Variants in UBE2E3 observed in about 807,000 individuals in gnomAD.
UBE2E3 encodes the protein ubiquitin conjugating enzyme E2 E3, also known as ubiquitin-conjugating enzyme E2 E3.
Under a neutral mutation model 23.6 loss-of-function variants are expected in UBE2E3, and 5 were observed. The ratio of observed to expected loss-of-function variants is 0.21; its 90% CI spans 0.11 to 0.44. The LOEUF (loss-of-function observed/expected upper bound fraction) is 0.44. UBE2E3 is among the 20% of genes least tolerant of loss of function. The pLI, the probability that UBE2E3 is intolerant of heterozygous loss-of-function variation, is 0.99. For synonymous variants in UBE2E3, 78 were observed against 87.5 expected (o/e 0.89, Z 0.60); for missense variants, 81 against 249.8 (o/e 0.32, Z 4.55).
chr2:180,983,874 A>T, intron 2 of UBE2E3, 169 bp from the exon 3 acceptor site: 1 of 460,816 alleles, frequency 2.2e-6, no homozygotes, highest in Non-Finnish European at 3.9e-6. Context: ...GTTTCTGTTA[A>T]GGGATTTGGG....
At chr2:181,041,958 C>G (rs1388875461) in intron 3 of UBE2E3, among the ~76,000 whole-genome samples, 6 of 152,116 alleles carry the variant, frequency 3.9e-5, no homozygotes, top group African/African-American at 7.2e-5. Flanking sequence ...TGTGATATAC[C>G]TACCCTAATT....
chr2:181,030,408 A>C (rs764512789), intron 3 of UBE2E3, among the ~76,000 whole-genome samples: 3 of 151,902 alleles, frequency 2.0e-5, no homozygotes, highest in South Asian at 2.1e-4. Context: ...TATTTTTCTA[A>C]TGTCAGACTA....
chr2:181,053,704 TATC>T (rs776122910), intron 3 of UBE2E3, among the ~76,000 whole-genome samples: 3 of 151,840 alleles, frequency 2.0e-5, no homozygotes, highest in Non-Finnish European at 4.4e-5. Flanking sequence ...AACACATCAT[TATC>T]ATGCAAAGTC....
At position 181,006,544 on chromosome 2, in the gene UBE2E3, A is replaced by T. The variant is rs569227752; in HGVS notation, c.245+22451A>T. Among the ~76,000 whole-genome samples the T allele has an allele frequency of 2.0e-5, 3 of 152,196 alleles. No homozygotes were observed. In the South Asian group the frequency reaches 6.2e-4, roughly 32 times the overall value. On this transcript the variant is annotated intron_variant, in intron 3 of 5. Transcript: ENST00000410062. ...TCCCAAATGTACATGGAGCACACTTATATGCATGTTAAATATTAGGAACAT... is the reference window on the plus strand; with the variant it reads ...TCCCAAATGTACATGGAGCACACTTTTATGCATGTTAAATATTAGGAACAT...
At chr2:181,003,876 T>C (rs1394171327) in intron 3 of UBE2E3, among the ~76,000 whole-genome samples, 2 of 152,250 alleles carry the variant, frequency 1.3e-5, no homozygotes, top group East Asian at 3.8e-4. Flanking sequence ...TTGATATTTC[T>C]GCATTCTCTC....
intron 3 of UBE2E3, chr2:180,990,025 T>C: frequency 6.7e-7 from 1 of 1,487,480 alleles, no homozygotes; most frequent in East Asian, 2.5e-5. Flanking sequence ...AAAGTGATTT[T>C]TTTTTCCACA....
chr2:180,999,944 A>G (rs1684943250), intron 3 of UBE2E3, among the ~76,000 whole-genome samples: 1 of 152,250 alleles, frequency 6.6e-6, no homozygotes, highest in African/African-American at 2.4e-5. Context: ...ATTTTGAAAA[A>G]TGAAGTATTA....
chr2:180,998,358 G>A (rs1406732018), intron 3 of UBE2E3, among the ~76,000 whole-genome samples: 2 of 151,946 alleles, frequency 1.3e-5, no homozygotes, highest in African/African-American at 4.8e-5. Flanking sequence ...TACTAAATGT[G>A]CATTTTAAGA....
chr2:181,027,837 T>C (rs1248359906), intron 3 of UBE2E3, among the ~76,000 whole-genome samples: 2 of 152,052 alleles, frequency 1.3e-5, no homozygotes, highest in East Asian at 3.8e-4. Flanking sequence ...AAGTAAATTC[T>C]TTTACTATGT....
At chr2:181,022,310 A>G (rs960301534) in intron 3 of UBE2E3, among the ~76,000 whole-genome samples, 9 of 152,242 alleles carry the variant, frequency 5.9e-5, no homozygotes, top group African/African-American at 2.2e-4. Context: ...CATTTAGAAA[A>G]ATAAACACAG....
intron 3 of UBE2E3, among the ~76,000 whole-genome samples, chr2:180,993,434 C>G (rs1401894592): frequency 6.6e-6 from 1 of 152,110 alleles, no homozygotes; most frequent in African/African-American, 2.4e-5. Flanking sequence ...TGTTTAACTT[C>G]CAGCTTGTCT....
chr2:181,024,916 A>G (rs1174133866), intron 3 of UBE2E3, among the ~76,000 whole-genome samples: 3 of 152,134 alleles, frequency 2.0e-5, no homozygotes, highest in African/African-American at 7.2e-5. Context: ...ATGTATTACT[A>G]TACTGCTTCA....
chr2:181,018,037 TTC>T (rs1186288400), intron 3 of UBE2E3, among the ~76,000 whole-genome samples: 1 of 151,974 alleles, frequency 6.6e-6, no homozygotes, highest in African/African-American at 2.4e-5. Context: ...TAATTTTGTT[TTC>T]GTTGTATTTT....
intron 3 of UBE2E3, among the ~76,000 whole-genome samples, chr2:181,046,260 C>T (rs1042633283): frequency 6.6e-6 from 1 of 152,102 alleles, no homozygotes; most frequent in East Asian, 1.9e-4. Context: ...AATTTTGAGT[C>T]TTTCGCAGGT....
intron 3 of UBE2E3, among the ~76,000 whole-genome samples, chr2:181,047,126 G>A (rs551810819): frequency 2.0e-5 from 3 of 152,218 alleles, no homozygotes; most frequent in South Asian, 4.1e-4. Context: ...ACTAGATGAC[G>A]TCTTTAGTTT....
At chr2:181,047,829 C>G (rs1686717068) in intron 3 of UBE2E3, among the ~76,000 whole-genome samples, 1 of 152,170 alleles carries the variant, frequency 6.6e-6, no homozygotes, top group African/African-American at 2.4e-5. Context: ...TAGTTTAACA[C>G]TCCCCCTTTG....
intron 3 of UBE2E3, among the ~76,000 whole-genome samples, chr2:181,031,481 C>T (rs184386409): frequency 1.3e-5 from 2 of 151,966 alleles, no homozygotes; most frequent in East Asian, 3.9e-4. Context: ...GTTTTTTTGT[C>T]ATTTTAAAGT....
At chr2:181,004,067 T>G (rs1170379387) in intron 3 of UBE2E3, among the ~76,000 whole-genome samples, 1 of 152,200 alleles carries the variant, frequency 6.6e-6, no homozygotes, top group East Asian at 1.9e-4. Flanking sequence ...TGGGAAGGTC[T>G]TGGAGAGGCT....
At chr2:181,040,999 C>T (rs750692386) in intron 3 of UBE2E3, among the ~76,000 whole-genome samples, 1 of 151,992 alleles carries the variant, frequency 6.6e-6, no homozygotes, top group Non-Finnish European at 1.5e-5. Context: ...CCTGTAATCC[C>T]AGCACTTTGG....
Sources: gnomAD v4.1 joint callset for allele counts (sites outside exome capture counted in the v4.1 genomes callset) on GRCh38, gnomAD v4.1.1 for gene constraint, MANE v1.5 for transcripts, NCBI Gene and HGNC (gene_info 2026-07-23, HGNC 2026-07-21) for gene names.